LCP2: variants seen among roughly 807,000 people sequenced by gnomAD.
LCP2 encodes the protein 76 kDa tyrosine phosphoprotein.
In LCP2, 29 loss-of-function variants were observed where a neutral mutation model predicts 74.5. That is an observed-to-expected ratio of 0.39 (90% CI 0.29 to 0.53). LCP2 has a LOEUF of 0.53. LCP2 is among the 20% of genes least tolerant of loss of function. LCP2 has a pLI of 0.72. For missense variants in LCP2, 604 were observed against 634.6 expected, an observed-to-expected ratio of 0.95 and a Z score of 0.52; for synonymous variants, 228 against 229.5, an observed-to-expected ratio of 0.99 and a Z score of 0.06.
intron 3 of LCP2, among the ~76,000 whole-genome samples, chr5:170,287,557 A>G (rs984813535): frequency 9.9e-5 from 15 of 152,170 alleles, no homozygotes; most frequent in Non-Finnish European, 1.9e-4. Flanking sequence ...ACACATAATT[A>G]TATCCATTGC....
chr5:170,248,811 CAG>C lies in LCP2; in HGVS notation c.1486_1487del (p.Leu496ValfsTer7), dbSNP rs770036834. 1.2e-6 allele frequency: 2 copies of C among 1,612,098 alleles called. No homozygotes were observed. The highest frequency in any genetic ancestry group is 1.1e-5 in the South Asian group (1 of 90,866). On this transcript the variant is annotated frameshift_variant, in exon 21 of 21. Transcript: ENST00000046794. LOFTEE classifies it low-confidence loss of function (END_TRUNC). The part of the protein sequence containing the change: ...GTGLRGKEDF[L>X]SVSDIIDYFR... Reference sequence around the variant, plus strand: ...AGTAGTCAATAATATCTGACACAGACAGAAAGTCCTGAAAGAGTCAAGATAGG... The same window carrying C: ...AGTAGTCAATAATATCTGACACAGACAAAGTCCTGAAAGAGTCAAGATAGG...
rs1762253453 is a variant in LCP2, at chr5:170,289,691, T to TCTC, written c.142-1676_142-1675insGAG. The stretch of plus-strand genomic sequence containing the variant: ...TTTCTTTCTCTCTCTCTCTCTTTCT[T>TCTC]TCTTTCTTTCCTTCTTTCTTTCTTT... On this transcript the variant is annotated intron_variant, in intron 2 of 20. Coordinates refer to ENST00000046794, the MANE Select transcript of LCP2 (RefSeq NM_005565.5). 5.1e-5 allele frequency among the ~76,000 whole-genome samples: 7 copies of TCTC among 136,256 alleles called. No individual in the cohort carries two copies. The South Asian group carries it at 7.9e-4, about 15-fold the overall frequency. 89.4% of individuals were successfully genotyped at this position (136,256 alleles called of 152,430 possible). A position where few individuals can be genotyped will look rare whatever the true frequency, so the allele number is the denominator to read the frequency against.
chr5:170,269,606 TG>T, intron 7 of LCP2, among the ~76,000 whole-genome samples: 1 of 152,384 alleles, frequency 6.6e-6, no homozygotes, highest in East Asian at 1.9e-4. Context: ...CCTTTAACCT[TG>T]GTTTAATATC....
chr5:170,275,917 C>G, intron 3 of LCP2, 57 bp from the exon 4 acceptor site: 4 of 1,447,800 alleles, frequency 2.8e-6, no homozygotes, highest in Non-Finnish European at 3.8e-6. Context: ...TCAACCTTCC[C>G]CCTGACCCTT....
chr5:170,249,251 G>C (rs1561964268), intron 20 of LCP2, among the ~76,000 whole-genome samples: 1 of 151,796 alleles, frequency 6.6e-6, no homozygotes, highest in East Asian at 1.9e-4. Context: ...CTTGAACCTG[G>C]GAGGCAGAGG....
chr5:170,295,657 G>A (rs1380552385), intron 1 of LCP2, among the ~76,000 whole-genome samples: 1 of 152,220 alleles, frequency 6.6e-6, no homozygotes. Context: ...ATGTTTGACA[G>A]CTAAGATCCA....
In LCP2 at chr5:170,256,552, G is replaced by T; in HGVS notation, c.1124C>A (p.Ala375Asp). The change falls in exon 17 of 21, where the codon GCC (alanine) becomes GAC (aspartate). Residue 375 changes from alanine (A) to aspartate (D), a missense_variant. Physicochemically the swap from Ala to Asp is moderately radical, Grantham distance 126 (BLOSUM62 -2). Transcript: ENST00000046794. The surrounding 1 kb of genome is among the most constrained non-coding windows in gnomAD (Gnocchi z 4.5). ...TTGAGAGAAGTATGGTGGCAGGGAG[G>T]CACTCTGTGGAAAACTGCTGTTACT... ...SESNSSFPQSASLPPYFSQGP... is the reference protein window; with the variant it reads ...SESNSSFPQSDSLPPYFSQGP... 1 of 1,612,890 alleles carries T rather than the reference G, an allele frequency of 6.2e-7. No homozygotes were observed. Among genetic ancestry groups the T allele is most frequent in the Non-Finnish European group, 8.5e-7 (1 of 1,178,922 alleles).
chr5:170,297,586 C>A lies in LCP2; in HGVS notation c.26G>T (p.Arg9Leu). 1.2e-6 allele frequency: 2 copies of A among 1,612,520 alleles called. No individual in the cohort carries two copies. The highest frequency in any genetic ancestry group is 1.7e-6 in the Non-Finnish European group (2 of 1,179,276). The change falls in exon 1 of 21, where the codon CGC becomes CTC. Residue 9 changes from arginine to leucine, a missense_variant. By Grantham distance (102) the Arg-to-Leu change is moderately radical (BLOSUM62 -2). Coordinates refer to ENST00000046794, the MANE Select transcript of LCP2 (RefSeq NM_005565.5). Reference sequence around the variant, plus strand: ...GGGGTCCCAGCCCAGGACCTCTGAGCGAAAGGGCACATTCCTCAGTGCCAT... The same window carrying A: ...GGGGTCCCAGCCCAGGACCTCTGAGAGAAAGGGCACATTCCTCAGTGCCAT... MALRNVPF[R>L]SEVLGWDPDS...
chr5:170,255,093 T>A (rs1761525343), intron 17 of LCP2, among the ~76,000 whole-genome samples: 1 of 152,218 alleles, frequency 6.6e-6, no homozygotes, highest in Admixed American at 6.5e-5. Context: ...GGGACTCAGA[T>A]GGCTACAGAG....
chr5:170,296,920 G>C (rs554036577), intron 1 of LCP2, among the ~76,000 whole-genome samples: 169 of 152,308 alleles, frequency 1.1e-3, no homozygotes, highest in African/African-American at 3.3e-3. Context: ...GCGGGAGCTT[G>C]AGGACCCCCC....
intron 3 of LCP2, among the ~76,000 whole-genome samples, chr5:170,276,748 C>A (rs1762013672): frequency 6.6e-6 from 1 of 152,090 alleles, no homozygotes; most frequent in African/African-American, 2.4e-5. Flanking sequence ...ACCAGCGAGA[C>A]CCTTAGTAGT....
At chr5:170,284,809 G>A (rs1762156439) in intron 3 of LCP2, among the ~76,000 whole-genome samples, 1 of 149,564 alleles carries the variant, frequency 6.7e-6, no homozygotes, top group African/African-American at 2.5e-5. Context: ...GGAGTACAGT[G>A]GTGCCATCTC....
Position 170,246,248 on chromosome 5 carries a change from G to C in LCP2, c.*2449C>G, listed in dbSNP as rs115514566. Reference sequence around the variant, plus strand: ...AAACAAGCAGTTCATGTTCTTGAAGGCTGTTTAATGTTTTGAAGAATGGCT... The same window carrying C: ...AAACAAGCAGTTCATGTTCTTGAAGCCTGTTTAATGTTTTGAAGAATGGCT... On this transcript the variant is annotated 3_prime_UTR_variant, in exon 21 of 21. Transcript: ENST00000046794. 6 of 736,122 alleles carry C rather than the reference G, an allele frequency of 8.2e-6. No homozygotes were observed. Among genetic ancestry groups the C allele is most frequent in the African/African-American group, 1.8e-5 (1 of 56,760 alleles). The allele number at this position is 736,122 out of a possible 1,614,324, so 45.6% of individuals were successfully genotyped here. A position where few individuals can be genotyped will look rare whatever the true frequency, so the allele number is the denominator to read the frequency against.
intron 1 of LCP2, among the ~76,000 whole-genome samples, chr5:170,295,034 G>A (rs1026547905): frequency 6.6e-6 from 1 of 152,142 alleles, no homozygotes; most frequent in Non-Finnish European, 1.5e-5. Flanking sequence ...TTTGTAGTAA[G>A]GAAGACTGAG....
At chr5:170,291,226 A>AAGGAAGGAAGGAAGAAAGG (rs1561979324) in intron 2 of LCP2, among the ~76,000 whole-genome samples, 631 of 52,812 alleles carry the variant, frequency 0.012, 4 homozygotes, top group African/African-American at 0.019. Flanking sequence ...AGGAAGGAAG[A>AAGGAAGGAAGGAAGAAAGG]AAGGAAGGAA....
intron 3 of LCP2, among the ~76,000 whole-genome samples, chr5:170,280,247 A>G (rs931072983): frequency 3.3e-5 from 5 of 151,772 alleles, no homozygotes; most frequent in Non-Finnish European, 7.4e-5. Flanking sequence ...TCCTGGGACA[A>G]GGCTCCCGGC....
chr5:170,295,417 C>A (rs779816416), intron 1 of LCP2, among the ~76,000 whole-genome samples: 1 of 152,208 alleles, frequency 6.6e-6, no homozygotes, highest in Non-Finnish European at 1.5e-5. Flanking sequence ...TTGCTTTAAT[C>A]CTCACAACCA....
intron 10 of LCP2, among the ~76,000 whole-genome samples, chr5:170,265,860 C>T (rs927045654): frequency 6.6e-5 from 10 of 152,202 alleles, no homozygotes; most frequent in African/African-American, 2.4e-4. Flanking sequence ...TGCAGAGTTC[C>T]TTCCTCAGAC....
At position 170,256,718 on chromosome 5, in the gene LCP2, G is replaced by T; in HGVS notation, c.1101-143C>A. The T allele has an allele frequency of 1.5e-6, 1 of 678,048 alleles. No homozygotes were observed. The highest frequency in any genetic ancestry group is 2.7e-6 in the Non-Finnish European group (1 of 369,706). 42.0% of individuals were successfully genotyped at this position (678,048 alleles called of 1,614,324 possible). ...CTGCCCCCAAAACCATGGGGGCTGG[G>T]CACAGGGACAGAACACAGCACACAG... On this transcript the variant is annotated intron_variant, in intron 16 of 20. Coordinates refer to ENST00000046794, the MANE Select transcript of LCP2 (RefSeq NM_005565.5). This position sits in a 1 kb window ranked among gnomAD's most constrained non-coding sequence, Gnocchi z 4.5.
Sources: allele counts gnomAD v4.1 joint callset (sites outside exome capture counted in the v4.1 genomes callset), GRCh38; gene constraint gnomAD v4.1.1; non-coding constraint Gnocchi (gnomAD v3.1); transcripts MANE v1.5; gene names NCBI Gene and HGNC (gene_info 2026-07-23, HGNC 2026-07-21).